SGMS1: variants seen among roughly 807,000 people sequenced by gnomAD.
SGMS1 encodes the protein sphingomyelin synthase 1.
Under a neutral mutation model 46.2 loss-of-function variants are expected in SGMS1, and 13 were observed. That is an observed-to-expected ratio of 0.28 (90% CI 0.18 to 0.45). SGMS1 has a LOEUF of 0.45. Among genes scored for constraint, SGMS1 ranks in the 20% least tolerant of loss-of-function variants. The pLI is 1.00. For synonymous variants in SGMS1, 203 were observed against 187.8 expected, an observed-to-expected ratio of 1.08 and a Z score of -0.66; for missense variants, 324 against 519.9, an observed-to-expected ratio of 0.62 and a Z score of 3.66.
chr10:50,458,339 C>CTTTT (rs750349777), intron 5 of SGMS1, among the ~76,000 whole-genome samples: 2,874 of 96,934 alleles, frequency 0.03, 199 homozygotes, highest in Non-Finnish European at 0.039. Context: ...TTCTTTTTCT[C>CTTTT]TTTTTTTTTT....
intron 5 of SGMS1, among the ~76,000 whole-genome samples, chr10:50,447,528 T>A (rs770906337): frequency 4.6e-5 from 7 of 152,130 alleles, no homozygotes; most frequent in Non-Finnish European, 1.0e-4. Context: ...AAGGAAACAA[T>A]AATTTTAAGA....
chr10:50,538,976 G>A (rs948188797), intron 2 of SGMS1, among the ~76,000 whole-genome samples: 4 of 152,180 alleles, frequency 2.6e-5, no homozygotes, highest in South Asian at 2.1e-4. Context: ...GGAAACCACC[G>A]AACTCGGTGA....
chr10:50,608,929 T>G (rs1838721142), intron 1 of SGMS1, among the ~76,000 whole-genome samples: 1 of 152,206 alleles, frequency 6.6e-6, no homozygotes. Flanking sequence ...CTCTAGATAA[T>G]GTATAATACA....
chr10:50,379,561 T>TATACA (rs1848572744), intron 6 of SGMS1, among the ~76,000 whole-genome samples: 1 of 152,178 alleles, frequency 6.6e-6, no homozygotes, highest in Admixed American at 6.5e-5. Flanking sequence ...TTCAATTGTT[T>TATACA]ATACATGATT....
chr10:50,423,949 C>T (rs747880521), intron 6 of SGMS1, among the ~76,000 whole-genome samples: 23 of 152,210 alleles, frequency 1.5e-4, no homozygotes, highest in Non-Finnish European at 3.4e-4. Flanking sequence ...TCATTTCATA[C>T]ACATTATTTT....
chr10:50,624,016 C>T (rs1361829123), upstream of SGMS1: 2 of 985,448 alleles, frequency 2.0e-6, no homozygotes, highest in East Asian at 2.3e-4. Context: ...CGCGACTCCG[C>T]TCCTCCGGGT....
At chr10:50,532,362 A>G (rs1254452492) in intron 2 of SGMS1, among the ~76,000 whole-genome samples, 1 of 151,926 alleles carries the variant, frequency 6.6e-6, no homozygotes, top group African/African-American at 2.4e-5. Context: ...AAGACCCTGA[A>G]CTAGAATAAC....
chr10:50,565,638 C>T (rs1838281443), intron 2 of SGMS1, among the ~76,000 whole-genome samples: 2 of 152,196 alleles, frequency 1.3e-5, no homozygotes, highest in African/African-American at 4.8e-5. Context: ...CTGCCAATTC[C>T]TAGGAATGAC....
chr10:50,544,879 G>A (rs1838086908), intron 2 of SGMS1, among the ~76,000 whole-genome samples: 1 of 152,110 alleles, frequency 6.6e-6, no homozygotes, highest in South Asian at 2.1e-4. Flanking sequence ...CGTGTGCCGC[G>A]TATTTCCATT....
chr10:50,494,462 T>C (rs1837593363), intron 3 of SGMS1, among the ~76,000 whole-genome samples: 1 of 152,080 alleles, frequency 6.6e-6, no homozygotes, highest in Non-Finnish European at 1.5e-5. Flanking sequence ...AAGAACAAGA[T>C]CATGTCCTTT....
At position 50,560,747 on chromosome 10, in the gene SGMS1, T is replaced by C. The variant is rs111503618; in HGVS notation, c.-589+29406A>G. Among the ~76,000 whole-genome samples the C allele has an allele frequency of 3.3e-3, 505 of 151,768 alleles. 1 individual carries two copies. Among genetic ancestry groups the C allele is most frequent in the Middle Eastern group, 0.014 (4 of 292 alleles). ...AATTTATTTTTCCTTCATTACATAA[T>C]ATATACATAAACATCATAGTATACA... On this transcript the variant is annotated intron_variant, in intron 2 of 10. Transcript: ENST00000361781.
rs541848071 is a variant in SGMS1, at chr10:50,482,132, C to A, written c.-497-15200G>T. Among the ~76,000 whole-genome samples the A allele has an allele frequency of 1.6e-4, 24 of 152,288 alleles. No homozygotes were observed. In the South Asian group the frequency reaches 4.6e-3, roughly 29 times the overall value. On this transcript the variant is annotated intron_variant, in intron 3 of 10. Transcript: ENST00000361781. ...ATTCAGGAGAACTCCCCCAACCTAG[C>A]AAGACAGGCCAACATTCAAACTCAG...
intron 2 of SGMS1, among the ~76,000 whole-genome samples, chr10:50,526,640 A>T (rs1024002200): frequency 6.6e-6 from 1 of 152,242 alleles, no homozygotes; most frequent in Non-Finnish European, 1.5e-5. Flanking sequence ...CACTTCATAA[A>T]TGTTAGCTAT....
intron 6 of SGMS1, chr10:50,418,573 T>C (rs1849213044): frequency 6.6e-6 from 1 of 152,230 alleles, no homozygotes; most frequent in Non-Finnish European, 1.5e-5. Context: ...TAGAAGCCTT[T>C]CACAGCCTTT....
At chr10:50,477,173 G>A (rs1471187857) in intron 3 of SGMS1, among the ~76,000 whole-genome samples, 1 of 152,254 alleles carries the variant, frequency 6.6e-6, no homozygotes, top group Non-Finnish European at 1.5e-5. Context: ...AGCCACAAGA[G>A]TGGAGCTGCC....
chr10:50,572,493 G>C (rs182485799), intron 2 of SGMS1, among the ~76,000 whole-genome samples: 2 of 152,250 alleles, frequency 1.3e-5, no homozygotes, highest in Non-Finnish European at 2.9e-5. Flanking sequence ...TGTTATGGGA[G>C]GGGAGGTAGG....
At chr10:50,316,637 T>C (rs972897974) in intron 8 of SGMS1, among the ~76,000 whole-genome samples, 4 of 152,186 alleles carry the variant, frequency 2.6e-5, no homozygotes, top group Admixed American at 2.6e-4. Context: ...TTAAGGTAAA[T>C]TATTTTGTTC....
At chr10:50,430,752 A>C (rs1330145013) in intron 6 of SGMS1, among the ~76,000 whole-genome samples, 1 of 152,104 alleles carries the variant, frequency 6.6e-6, no homozygotes, top group Non-Finnish European at 1.5e-5. Flanking sequence ...TGTCTTTTAT[A>C]ATACCTACCA....
intron 7 of SGMS1, among the ~76,000 whole-genome samples, chr10:50,328,662 A>G (rs1564875981): frequency 1.3e-5 from 2 of 152,352 alleles, no homozygotes; most frequent in East Asian, 3.9e-4. Flanking sequence ...TAGATTTAAG[A>G]AACTGGGTCA....
Sources: gnomAD v4.1 joint callset for allele counts (sites outside exome capture counted in the v4.1 genomes callset) on GRCh38, gnomAD v4.1.1 for gene constraint, MANE v1.5 for transcripts, NCBI Gene and HGNC (gene_info 2026-07-23, HGNC 2026-07-21) for gene names.